The following RGS6 variants were observed in gnomAD, a reference collection of about 807,000 sequenced individuals.
RGS6 encodes regulator of G-protein signaling 6.
A neutral mutation model predicts 78.5 loss-of-function variants in RGS6; 30 were observed. The ratio of observed to expected loss-of-function variants is 0.38; its 90% CI spans 0.29 to 0.52. RGS6 has a LOEUF of 0.52. Among genes scored for constraint, RGS6 ranks in the 20% least tolerant of loss-of-function variants. The pLI, the probability that RGS6 is intolerant of heterozygous loss-of-function variation, is 0.85. For synonymous variants in RGS6, 206 were observed against 206.0 expected (o/e 1.00, Z 0.00); for missense variants, 495 against 609.7 (o/e 0.81, Z 1.98).
intron 3 of RGS6, among the ~76,000 whole-genome samples, chr14:72,425,951 A>G (rs1289143095): frequency 1.3e-5 from 2 of 152,186 alleles, no homozygotes; most frequent in Admixed American, 6.5e-5. Flanking sequence ...GAAAAGAGAA[A>G]GAGAATCTAA....
chr14:72,424,655 G>GA (rs892832095), intron 3 of RGS6, among the ~76,000 whole-genome samples: 8 of 152,104 alleles, frequency 5.3e-5, no homozygotes, highest in East Asian at 1.9e-4. Flanking sequence ...GGCTGATATG[G>GA]AAAAAAATAC....
chr14:71,954,698 T>C (rs2153009319), intron 1 of RGS6, among the ~76,000 whole-genome samples: 1 of 152,312 alleles, frequency 6.6e-6, no homozygotes, highest in South Asian at 2.1e-4. Flanking sequence ...TTGAGTCTGC[T>C]GATGAGCCCA....
intron 2 of RGS6, among the ~76,000 whole-genome samples, chr14:72,196,054 G>A (rs902457020): frequency 1.3e-5 from 2 of 152,096 alleles, no homozygotes; most frequent in Admixed American, 6.5e-5. Context: ...TGATAGGGAG[G>A]CCATTTTAGT....
At chr14:72,465,669 G>A (rs569350454) in intron 6 of RGS6, 89 bp from the exon 7 acceptor site, 1 of 894,880 alleles carries the variant, frequency 1.1e-6, no homozygotes, top group African/African-American at 1.7e-5. Context: ...TGGGTGAATG[G>A]GTGAATGGAT....
At chr14:72,251,856 T>C (rs2055872886) in intron 2 of RGS6, among the ~76,000 whole-genome samples, 1 of 152,122 alleles carries the variant, frequency 6.6e-6, no homozygotes, top group South Asian at 2.1e-4. Context: ...CCCTTGAACC[T>C]AAAATAAAAG....
chr14:72,573,394 G>A, the RGS6 span, among the ~76,000 whole-genome samples: 13 of 152,062 alleles, frequency 8.5e-5, no homozygotes, highest in Middle Eastern at 3.2e-3. Context: ...GTTTATCTGC[G>A]GCAAATGTCT....
chr14:72,600,570 GACACACAC>G, the RGS6 span, among the ~76,000 whole-genome samples: 8 of 148,530 alleles, frequency 5.4e-5, no homozygotes, highest in Admixed American at 6.7e-5. Flanking sequence ...AAGCCAGGCA[GACACACAC>G]ACACACACAC....
At chr14:71,978,640 T>G (rs1180722180) in intron 2 of RGS6, among the ~76,000 whole-genome samples, 1 of 146,504 alleles carries the variant, frequency 6.8e-6, no homozygotes, top group Non-Finnish European at 1.5e-5. Context: ...ATAAGCTTTT[T>G]GATGTGCTGC....
chr14:72,291,165 A>G (rs1041398789), intron 2 of RGS6, among the ~76,000 whole-genome samples: 1 of 151,924 alleles, frequency 6.6e-6, no homozygotes, highest in African/African-American at 2.4e-5. Flanking sequence ...TCAAGCCCTT[A>G]GATGGCATTC....
the RGS6 span, among the ~76,000 whole-genome samples, chr14:71,900,782 T>A: frequency 1.3e-5 from 2 of 152,076 alleles, no homozygotes; most frequent in Non-Finnish European, 2.9e-5. Flanking sequence ...AGAGGTTTAG[T>A]TTGTTCATGG....
At chr14:72,512,237 A>G (rs1283033835) in intron 14 of RGS6, among the ~76,000 whole-genome samples, 2 of 152,204 alleles carry the variant, frequency 1.3e-5, no homozygotes, top group African/African-American at 4.8e-5. Flanking sequence ...GAGAGCTTGA[A>G]GAATGACCCA....
chr14:72,371,939 C>T (rs2152838599), intron 3 of RGS6, among the ~76,000 whole-genome samples: 1 of 152,282 alleles, frequency 6.6e-6, no homozygotes, highest in East Asian at 1.9e-4. Context: ...TTCACTGTAT[C>T]ATCGGTCGCA....
At chr14:71,980,019 C>A (rs1418166359) in intron 2 of RGS6, among the ~76,000 whole-genome samples, 1 of 138,882 alleles carries the variant, frequency 7.2e-6, no homozygotes, top group East Asian at 2.1e-4. Flanking sequence ...TATGTAATGG[C>A]CTTCTTTGTC....
At chr14:71,873,581 A>G in the RGS6 span, among the ~76,000 whole-genome samples, 1 of 152,106 alleles carries the variant, frequency 6.6e-6, no homozygotes, top group Admixed American at 6.6e-5. Flanking sequence ...ATTTTCTCCC[A>G]TTCTGTATAT....
chr14:72,134,892 C>T (rs1432719764), intron 2 of RGS6, among the ~76,000 whole-genome samples: 2 of 152,148 alleles, frequency 1.3e-5, no homozygotes, highest in Non-Finnish European at 2.9e-5. Context: ...TGTATTCAGG[C>T]AGGCCCTCAA....
At chr14:72,464,457 C>T (rs773175030) in intron 6 of RGS6, among the ~76,000 whole-genome samples, 91 of 152,312 alleles carry the variant, frequency 6.0e-4, no homozygotes, top group Non-Finnish European at 1.1e-3. Flanking sequence ...GGGTAGGCTG[C>T]TAGCTTCCAG....
intron 2 of RGS6, among the ~76,000 whole-genome samples, chr14:72,038,018 T>A (rs946748357): frequency 6.7e-6 from 1 of 150,270 alleles, no homozygotes; most frequent in African/African-American, 2.5e-5. Context: ...TTGCCCAGGC[T>A]GGAGTGCAAT....
chr14:72,289,699 C>G (rs983243140), intron 2 of RGS6, among the ~76,000 whole-genome samples: 8 of 152,212 alleles, frequency 5.3e-5, no homozygotes, highest in African/African-American at 1.7e-4. Context: ...GGTCTTCTGA[C>G]TCTACATCCA....
chr14:71,952,732 A>C (rs1024798824), intron 1 of RGS6, among the ~76,000 whole-genome samples: 1 of 152,206 alleles, frequency 6.6e-6, no homozygotes. Context: ...AAATGGAGGC[A>C]TTATGGAGTC....
Sources: gnomAD v4.1 joint callset for allele counts (sites outside exome capture counted in the v4.1 genomes callset) on GRCh38, gnomAD v4.1.1 for gene constraint, MANE v1.5 for transcripts, NCBI Gene and HGNC (gene_info 2026-07-23, HGNC 2026-07-21) for gene names.